EPHA6: variants seen among roughly 807,000 people sequenced by gnomAD.
EPHA6 encodes ephrin type-A receptor 6.
In EPHA6, 50 loss-of-function variants were observed where a neutral mutation model predicts 112.0. That is an observed-to-expected ratio of 0.45 (90% CI 0.36 to 0.56). The LOEUF (loss-of-function observed/expected upper bound fraction) is 0.56, where lower values mean the gene tolerates loss of function less well. Ranked by LOEUF, EPHA6 falls within the 20% of genes least tolerant of loss-of-function variation. EPHA6 has a pLI of 0.00. For missense variants in EPHA6, 1,280 were observed against 1,417.4 expected (o/e 0.90, Z 1.56); for synonymous variants, 529 against 490.7 (o/e 1.08, Z -1.03).
At chr3:97,683,113 C>A (rs929439717) in intron 14 of EPHA6, among the ~76,000 whole-genome samples, 4 of 152,028 alleles carry the variant, frequency 2.6e-5, no homozygotes, top group African/African-American at 9.7e-5. Context: ...CTTTGTTTCT[C>A]CTTTGAGAAT....
intron 2 of EPHA6, among the ~76,000 whole-genome samples, chr3:96,945,846 C>T (rs1016488595): frequency 6.6e-6 from 1 of 152,094 alleles, no homozygotes; most frequent in African/African-American, 2.4e-5. Flanking sequence ...TTGTTATCAA[C>T]CAGAGTTCAT....
At chr3:96,945,308 AAAACGG>A (rs2041196669) in intron 2 of EPHA6, among the ~76,000 whole-genome samples, 1 of 152,146 alleles carries the variant, frequency 6.6e-6, no homozygotes, top group Non-Finnish European at 1.5e-5. Flanking sequence ...TGTGCTGTTC[AAAACGG>A]AACTCCAGAG....
At chr3:96,946,237 G>A (rs542663620) in intron 2 of EPHA6, among the ~76,000 whole-genome samples, 15 of 151,430 alleles carry the variant, frequency 9.9e-5, no homozygotes, top group Non-Finnish European at 1.5e-4. Context: ...GGTTTGTTAC[G>A]TAAGTATACG....
intron 6 of EPHA6, among the ~76,000 whole-genome samples, chr3:97,438,656 A>G (rs2089980482): frequency 6.6e-6 from 1 of 152,152 alleles, no homozygotes; most frequent in Non-Finnish European, 1.5e-5. Context: ...TAAACACAAC[A>G]TTTTTTAAGA....
chr3:97,640,647 G>C (rs965885075), intron 14 of EPHA6, among the ~76,000 whole-genome samples: 1 of 152,104 alleles, frequency 6.6e-6, no homozygotes, highest in Non-Finnish European at 1.5e-5. Flanking sequence ...AGGCGTGGTG[G>C]CGCATGCCTG....
intron 4 of EPHA6, among the ~76,000 whole-genome samples, chr3:97,227,611 G>T (rs942754140): frequency 6.6e-6 from 1 of 152,176 alleles, no homozygotes; most frequent in African/African-American, 2.4e-5. Context: ...GCACTTTGAG[G>T]GTGGTAAGAA....
intron 16 of EPHA6, among the ~76,000 whole-genome samples, chr3:97,737,183 G>C (rs1469390760): frequency 2.6e-5 from 4 of 152,092 alleles, no homozygotes; most frequent in African/African-American, 9.7e-5. Flanking sequence ...GTAAAGGAAG[G>C]AAAGGCACTT....
At chr3:96,862,448 A>C (rs558537856) in intron 1 of EPHA6, among the ~76,000 whole-genome samples, 55 of 152,054 alleles carry the variant, frequency 3.6e-4, no homozygotes, top group Non-Finnish European at 7.5e-4. Flanking sequence ...AAGTTCTCAA[A>C]CATGTATTTA....
chr3:97,702,007 C>A (rs539084680), intron 14 of EPHA6, among the ~76,000 whole-genome samples: 18 of 152,292 alleles, frequency 1.2e-4, no homozygotes, highest in African/African-American at 3.6e-4. Context: ...GACAGTCTGA[C>A]CCTTACACTC....
At chr3:97,215,099 C>G (rs1317856481) in intron 3 of EPHA6, among the ~76,000 whole-genome samples, 6 of 152,140 alleles carry the variant, frequency 3.9e-5, no homozygotes, top group Non-Finnish European at 7.3e-5. Context: ...AATATCAGTT[C>G]CTGACACACA....
At chr3:96,917,015 G>T (rs2107617396) in intron 2 of EPHA6, among the ~76,000 whole-genome samples, 1 of 152,226 alleles carries the variant, frequency 6.6e-6, no homozygotes, top group East Asian at 1.9e-4. Context: ...TGCAGCTAAA[G>T]AATTTGCTTT....
chr3:97,008,095 TC>T (rs1341886168), intron 3 of EPHA6, among the ~76,000 whole-genome samples: 2 of 152,152 alleles, frequency 1.3e-5, no homozygotes, highest in Admixed American at 1.3e-4. Flanking sequence ...CAGATTATGT[TC>T]TTGTGGAGTA....
intron 2 of EPHA6, among the ~76,000 whole-genome samples, chr3:96,984,270 C>G (rs146190090): frequency 0.011 from 1,686 of 152,252 alleles, 15 homozygotes; most frequent in Middle Eastern, 0.027. Flanking sequence ...TTCCTTCTAA[C>G]AGTCAGGACC....
intron 6 of EPHA6, among the ~76,000 whole-genome samples, chr3:97,442,098 A>C (rs1458306853): frequency 6.6e-6 from 1 of 152,184 alleles, no homozygotes; most frequent in Non-Finnish European, 1.5e-5. Flanking sequence ...ACTTAGAAAC[A>C]AGAATAGAAA....
intron 5 of EPHA6, among the ~76,000 whole-genome samples, chr3:97,374,349 T>A (rs572362888): frequency 6.6e-6 from 1 of 152,174 alleles, no homozygotes; most frequent in Admixed American, 6.5e-5. Flanking sequence ...CAAATTACCA[T>A]CTTGTTTTGG....
chr3:96,948,593 A>G (rs944111131), intron 2 of EPHA6, among the ~76,000 whole-genome samples: 1 of 152,218 alleles, frequency 6.6e-6, no homozygotes, highest in African/African-American at 2.4e-5. Context: ...AAATCTTATT[A>G]TATAGATTCG....
At chr3:96,941,711 T>C (rs984610617) in intron 2 of EPHA6, among the ~76,000 whole-genome samples, 6 of 152,240 alleles carry the variant, frequency 3.9e-5, no homozygotes, top group Non-Finnish European at 7.3e-5. Flanking sequence ...GCTCTGTTTT[T>C]TCCCCATCTT....
chr3:97,171,385 A>C (rs1182332081), intron 3 of EPHA6, among the ~76,000 whole-genome samples: 1 of 152,144 alleles, frequency 6.6e-6, no homozygotes, highest in African/African-American at 2.4e-5. Context: ...GAGAGTAATA[A>C]TATCATTTGG....
At position 96,898,950 on chromosome 3, in the gene EPHA6, C is replaced by A. The variant is rs1323745689; in HGVS notation, c.450+32061C>A. ...GGCTGAGGCAGGAGAATGGCGTGAA[C>A]CCGGGAGGCGGAGCTTGCAGTGAGT... On this transcript the variant is annotated intron_variant, in intron 2 of 17. Transcript: ENST00000389672. Among the ~76,000 whole-genome samples the A allele has an allele frequency of 2.0e-5, 3 of 151,542 alleles. No homozygotes were observed. The East Asian group carries it at 5.8e-4, about 29-fold the overall frequency.
Sources: gnomAD v4.1 joint callset for allele counts (sites outside exome capture counted in the v4.1 genomes callset) on GRCh38, gnomAD v4.1.1 for gene constraint, MANE v1.5 for transcripts, NCBI Gene and HGNC (gene_info 2026-07-23, HGNC 2026-07-21) for gene names.